The following TARS3 variants were observed in gnomAD, a reference collection of about 807,000 sequenced individuals.
TARS3 encodes threonyl-tRNA synthetase 3.
Under a neutral mutation model 103.5 loss-of-function variants are expected in TARS3, and 94 were observed. The observed-to-expected ratio is 0.91, with a 90% confidence interval of 0.77 to 1.08. TARS3 has a LOEUF of 1.08. Among genes scored for constraint, TARS3 ranks in the 50% least tolerant of loss-of-function variants. The pLI is 0.00. For synonymous variants in TARS3, 416 were observed against 355.4 expected (o/e 1.17, Z -1.92); for missense variants, 952 against 995.2 (o/e 0.96, Z 0.58).
intron 12 of TARS3, among the ~76,000 whole-genome samples, chr15:101,682,982 G>A (rs1898314302): frequency 6.6e-6 from 1 of 152,150 alleles, no homozygotes; most frequent in South Asian, 2.1e-4. Context: ...GATGACATCT[G>A]TCTCATTCCT....
At chr15:101,680,235 A>G (rs1898205925) in intron 12 of TARS3, among the ~76,000 whole-genome samples, 2 of 152,214 alleles carry the variant, frequency 1.3e-5, no homozygotes, top group Non-Finnish European at 2.9e-5. Flanking sequence ...AATCAGCCTT[A>G]GCTGGCATAT....
chr15:101,711,840 T>G (rs560414975), intron 5 of TARS3, 40 bp downstream of exon 5: 1 of 1,604,936 alleles, frequency 6.2e-7, no homozygotes, highest in African/African-American at 1.3e-5. Flanking sequence ...ACAATACAAT[T>G]GAAACACATG....
intron 5 of TARS3, among the ~76,000 whole-genome samples, 191 bp downstream of exon 5, chr15:101,711,689 A>T (rs922953017): frequency 4.6e-5 from 7 of 152,238 alleles, no homozygotes; most frequent in African/African-American, 7.2e-5. Context: ...CGTCTAGCTA[A>T]CAACAGGCTA....
At chr15:101,670,732 A>C (rs1226310755) in intron 15 of TARS3, among the ~76,000 whole-genome samples, 1 of 152,234 alleles carries the variant, frequency 6.6e-6, no homozygotes, top group Non-Finnish European at 1.5e-5. Flanking sequence ...TCTATTCATA[A>C]TCACCAAGAA....
At chr15:101,673,069 C>T (rs567174312) in intron 13 of TARS3, among the ~76,000 whole-genome samples, 1 of 152,324 alleles carries the variant, frequency 6.6e-6, no homozygotes, top group South Asian at 2.1e-4. Flanking sequence ...AGATGTGTCT[C>T]TTTCAAACCA....
chr15:101,718,323 G>A (rs922154270), intron 3 of TARS3, among the ~76,000 whole-genome samples: 9 of 152,006 alleles, frequency 5.9e-5, no homozygotes, highest in Non-Finnish European at 2.9e-5. Flanking sequence ...AGCCAAGATC[G>A]AGAAAAGGGG....
At chr15:101,714,199 T>C (rs576701898) in intron 4 of TARS3, among the ~76,000 whole-genome samples, 3 of 152,310 alleles carry the variant, frequency 2.0e-5, no homozygotes, top group Non-Finnish European at 2.9e-5. Context: ...AATTCTCCTA[T>C]ACATATTAAA....
intron 15 of TARS3, 106 bp downstream of exon 15, chr15:101,671,380 C>CA: frequency 1.2e-6 from 1 of 809,924 alleles, no homozygotes; most frequent in Non-Finnish European, 2.0e-6. Context: ...GCGTGTATAG[C>CA]ACATATACTA....
chr15:101,685,921 T>A lies in TARS3; in HGVS notation c.1462A>T (p.Lys488Ter). The A allele has an allele frequency of 6.2e-7, 1 of 1,614,000 alleles. No individual in the cohort carries two copies. The highest frequency in any genetic ancestry group is 8.5e-7 in the Non-Finnish European group (1 of 1,179,874). ...CAGTGCCCTGGACAATTCATGGGTT[T>A]GAGGGCAAAAGTGTCCTTTTCAATC... ...FEIEKDTFAL[K>*]PMNCPGHCLM... The change falls in exon 11 of 19, where the codon AAA (lysine) becomes TAA (stop). Residue 488 changes from lysine (K) to a stop codon, truncating the protein, a stop_gained. Coordinates refer to ENST00000335968, the MANE Select transcript of TARS3 (RefSeq NM_152334.3). LOFTEE classifies it high-confidence loss of function.
intron 16 of TARS3, 42 bp from the exon 17 acceptor site, chr15:101,657,899 A>G: frequency 8.2e-7 from 1 of 1,216,494 alleles, no homozygotes. Context: ...AAGTGTAATA[A>G]TGGCTACTTA....
In TARS3 at chr15:101,713,454, T is replaced by G. The variant is rs571620675; in HGVS notation, c.690+1386A>C. Among the ~76,000 whole-genome samples the G allele has an allele frequency of 2.6e-5, 4 of 152,304 alleles. No individual in the cohort carries two copies. The South Asian group carries it at 8.3e-4, about 32-fold the overall frequency. ...ACATCATTTGATAGCTCGATGGGAA[T>G]GAATTTCAGGGGACAAAACAGCAAG... On this transcript the variant is annotated intron_variant, in intron 4 of 18. Coordinates refer to ENST00000335968, the MANE Select transcript of TARS3 (RefSeq NM_152334.3).
At chr15:101,657,702 A>C (rs1897240312) in intron 17 of TARS3, 83 bp downstream of exon 17, 3 of 900,070 alleles carry the variant, frequency 3.3e-6, no homozygotes, top group Non-Finnish European at 5.0e-6. Context: ...GCAATATTTT[A>C]AAGCATGAAG....
In TARS3 at chr15:101,714,931, T is replaced by G. The variant is rs761712479; in HGVS notation, c.599A>C (p.Lys200Thr). Residue 200 changes from lysine (K) to threonine (T), a missense_variant, in exon 4 of 19, where the codon AAA (lysine) becomes ACA (threonine). By Grantham distance (78) the Lys-to-Thr change is moderately conservative. Around this residue, in one of 2 missense-constraint regions of TARS3, gnomAD observed 412 missense variants for 364.2 expected, o/e 1.13. Coordinates refer to ENST00000335968, the MANE Select transcript of TARS3 (RefSeq NM_152334.3). ...CAGGTCCCACAGTTCACCATTGACT[T>G]TGGCTATTACCGTGCTTTCAGCCAG... ...QELAESTVIA[K>T]VNGELWDLDR... is the part of the protein sequence containing the mutation. The G allele has an allele frequency of 6.2e-7, 1 of 1,612,222 alleles. No individual in the cohort carries two copies. The highest frequency in any genetic ancestry group is 1.1e-5 in the South Asian group (1 of 90,852).
chr15:101,662,110 C>A (rs970921415), intron 15 of TARS3, among the ~76,000 whole-genome samples: 9 of 152,186 alleles, frequency 5.9e-5, no homozygotes, highest in Admixed American at 3.3e-4. Context: ...CACAGCCAAT[C>A]TCATCTGATC....
At chr15:101,662,425 T>G (rs759548860) in intron 15 of TARS3, among the ~76,000 whole-genome samples, 1 of 152,122 alleles carries the variant, frequency 6.6e-6, no homozygotes, top group Non-Finnish European at 1.5e-5. Context: ...TGATAAATTT[T>G]TATCTAAAAA....
intron 2 of TARS3, among the ~76,000 whole-genome samples, chr15:101,721,692 G>C (rs931321642): frequency 6.6e-6 from 1 of 152,036 alleles, no homozygotes; most frequent in African/African-American, 2.4e-5. Context: ...ATGGGGTTTC[G>C]CCATGTTGGC....
At chr15:101,663,351 A>T (rs1567323382) in intron 15 of TARS3, among the ~76,000 whole-genome samples, 1 of 152,258 alleles carries the variant, frequency 6.6e-6, no homozygotes, top group Non-Finnish European at 1.5e-5. Context: ...TAGAGCATTC[A>T]GTACAGTAAC....
At position 101,712,883 on chromosome 15, in the gene TARS3, C is replaced by T. The variant is rs548680888; in HGVS notation, c.691-882G>A. Among the ~76,000 whole-genome samples the T allele has an allele frequency of 9.9e-5, 15 of 152,198 alleles. No homozygotes were observed. The South Asian group carries it at 1.2e-3, about 13-fold the overall frequency. ...CAGATGATGGAGCACTATGTGCAAT[C>T]CCAGCCCACAGCAATAGGCTGGGAT... is the stretch of plus-strand genomic sequence containing the variant. On this transcript the variant is annotated intron_variant, in intron 4 of 18. Coordinates refer to ENST00000335968, the MANE Select transcript of TARS3 (RefSeq NM_152334.3).
Position 101,654,488 on chromosome 15 carries a change from G to A in TARS3, c.*94C>T. 3 of 1,364,756 alleles carry A rather than the reference G, an allele frequency of 2.2e-6. No individual in the cohort carries two copies. The South Asian group carries it at 4.3e-5, about 19-fold the overall frequency. The allele number at this position is 1,364,756 out of a possible 1,614,324, so 84.5% of individuals were successfully genotyped here. A position where few individuals can be genotyped will look rare whatever the true frequency, so the allele number is the denominator to read the frequency against. On this transcript the variant is annotated 3_prime_UTR_variant, in exon 19 of 19. Coordinates refer to ENST00000335968, the MANE Select transcript of TARS3 (RefSeq NM_152334.3). The stretch of plus-strand genomic sequence containing the variant: ...TGAGGCCATGAGTGGACCCATCAGT[G>A]GCTCCAAAGTCGTAGAAGTACTAAC...
Sources: allele counts gnomAD v4.1 joint callset (sites outside exome capture counted in the v4.1 genomes callset), GRCh38; gene constraint gnomAD v4.1.1; regional missense constraint gnomAD v4.1.1; transcripts MANE v1.5; gene names NCBI Gene and HGNC (gene_info 2026-07-23, HGNC 2026-07-21).